The following RAPGEF5 variants were observed in gnomAD, a reference collection of about 807,000 sequenced individuals.
RAPGEF5 encodes M-Ras-regulated GEF.
RAPGEF5 carries 65 observed loss-of-function variants against 125.2 expected under a neutral mutation model. The ratio of observed to expected loss-of-function variants is 0.52; its 90% CI spans 0.43 to 0.64. The LOEUF (loss-of-function observed/expected upper bound fraction) is 0.64. Among genes scored for constraint, RAPGEF5 ranks in the 30% least tolerant of loss-of-function variants. RAPGEF5 has a pLI of 0.00. For synonymous variants in RAPGEF5, 391 were observed against 385.9 expected (o/e 1.01, Z -0.16); for missense variants, 958 against 1,048.1 (o/e 0.91, Z 1.19).
At chr7:22,322,245 C>G (rs1036440533) in intron 1 of RAPGEF5, among the ~76,000 whole-genome samples, 5 of 151,910 alleles carry the variant, frequency 3.3e-5, no homozygotes, top group African/African-American at 9.7e-5. Context: ...AATTCATCCT[C>G]CCACCTCAGC....
At chr7:22,132,507 A>G (rs1026380728) in intron 23 of RAPGEF5, among the ~76,000 whole-genome samples, 1 of 152,174 alleles carries the variant, frequency 6.6e-6, no homozygotes, top group African/African-American at 2.4e-5. Context: ...AAATAATTAC[A>G]AGCTTTCATT....
intron 7 of RAPGEF5, among the ~76,000 whole-genome samples, chr7:22,244,604 T>C (rs1786428926): frequency 6.6e-6 from 1 of 152,180 alleles, no homozygotes; most frequent in South Asian, 2.1e-4. Context: ...CCACTGATTC[T>C]ACATTATGGT....
chr7:22,154,376 T>C lies in RAPGEF5; in HGVS notation c.1786+79A>G, dbSNP rs1019369538. On this transcript the variant is annotated intron_variant, in intron 17 of 25. Transcript: ENST00000665637. ...GCCCAGAAGGGAGGAGCTGCACTTTTACTCTACAAAAATGTCACCTCCCTC... is the reference window on the plus strand; with the variant it reads ...GCCCAGAAGGGAGGAGCTGCACTTTCACTCTACAAAAATGTCACCTCCCTC... 2.6e-6 allele frequency: 4 copies of C among 1,513,248 alleles called. No homozygotes were observed. The South Asian group carries it at 3.8e-5, about 14-fold the overall frequency. The allele number at this position is 1,513,248 out of a possible 1,614,324, so 93.7% of individuals were successfully genotyped here.
intron 1 of RAPGEF5, among the ~76,000 whole-genome samples, chr7:22,342,198 T>A (rs1784143302): frequency 6.6e-6 from 1 of 152,228 alleles, no homozygotes; most frequent in South Asian, 2.1e-4. Context: ...TTCCACCCTC[T>A]GAAGCCAAAG....
intron 7 of RAPGEF5, among the ~76,000 whole-genome samples, chr7:22,248,834 A>G (rs1583516052): frequency 2.0e-5 from 3 of 152,292 alleles, no homozygotes; most frequent in South Asian, 4.1e-4. Context: ...AGAACCTATA[A>G]AAGTAAGATG....
chr7:22,170,091 G>C (rs6949403), intron 11 of RAPGEF5, among the ~76,000 whole-genome samples: 3,848 of 151,400 alleles, frequency 0.025, 147 homozygotes, highest in African/African-American at 0.088. Flanking sequence ...TAGTTTTTTT[G>C]TTTGTTTGTT....
chr7:22,235,498 C>T (rs918634149), intron 7 of RAPGEF5, among the ~76,000 whole-genome samples: 2 of 152,064 alleles, frequency 1.3e-5, no homozygotes, highest in African/African-American at 2.4e-5. Context: ...TGAAATAGAA[C>T]AGAATATCAT....
At chr7:22,142,667 C>T (rs191650303) in intron 20 of RAPGEF5, among the ~76,000 whole-genome samples, 8 of 152,336 alleles carry the variant, frequency 5.3e-5, no homozygotes, top group Non-Finnish European at 1.0e-4. Context: ...TAACGAGGGT[C>T]ATTCATTCCA....
chr7:22,318,138 G>GAA (rs34008002), intron 1 of RAPGEF5, 101 bp from the exon 2 acceptor site: 3,463 of 698,036 alleles, frequency 5.0e-3, no homozygotes, highest in South Asian at 0.012. Flanking sequence ...CCTCTGCTAT[G>GAA]AAAAAAAAAA....
chr7:22,327,060 C>T (rs2128156925), intron 1 of RAPGEF5, among the ~76,000 whole-genome samples: 1 of 152,330 alleles, frequency 6.6e-6, no homozygotes, highest in East Asian at 1.9e-4. Context: ...GTTTCACTAA[C>T]TCCTTTTAAA....
intron 8 of RAPGEF5, among the ~76,000 whole-genome samples, chr7:22,227,708 G>A (rs1050187580): frequency 2.0e-5 from 3 of 152,080 alleles, no homozygotes; most frequent in South Asian, 2.1e-4. Context: ...TGGATATGGT[G>A]GTGTGCACCT....
chr7:22,205,531 G>C (rs1294550615), intron 9 of RAPGEF5, among the ~76,000 whole-genome samples: 1 of 152,126 alleles, frequency 6.6e-6, no homozygotes. Context: ...ATAAAATATA[G>C]GCATGCTCTC....
At chr7:22,189,591 G>C (rs1366253321) in intron 11 of RAPGEF5, among the ~76,000 whole-genome samples, 1 of 151,776 alleles carries the variant, frequency 6.6e-6, no homozygotes, top group African/African-American at 2.4e-5. Context: ...CCAATTTCTG[G>C]GAAAAGATAA....
chr7:22,166,089 A>C (rs939598147), intron 12 of RAPGEF5, among the ~76,000 whole-genome samples: 1 of 147,110 alleles, frequency 6.8e-6, no homozygotes. Flanking sequence ...TATCATATAT[A>C]TATATATCAT....
intron 1 of RAPGEF5, among the ~76,000 whole-genome samples, chr7:22,327,562 CCGGGAGG>C (rs1290094517): frequency 6.6e-6 from 1 of 152,212 alleles, no homozygotes; most frequent in African/African-American, 2.4e-5. Flanking sequence ...TCCTCTCCTC[CCGGGAGG>C]CAGCCTTGCA....
At chr7:22,275,168 G>A (rs911235295) in intron 6 of RAPGEF5, among the ~76,000 whole-genome samples, 1 of 152,072 alleles carries the variant, frequency 6.6e-6, no homozygotes, top group Admixed American at 6.5e-5. Flanking sequence ...TCTCCTGAGC[G>A]CCACTCACCT....
chr7:22,209,447 T>C (rs892740628), intron 9 of RAPGEF5, among the ~76,000 whole-genome samples: 8 of 152,200 alleles, frequency 5.3e-5, no homozygotes, highest in Admixed American at 1.3e-4. Context: ...TACTTACATA[T>C]CTTCTAAAAT....
Position 22,118,482 on chromosome 7 carries a change from A to ATG in RAPGEF5, c.*3923_*3924insCA, listed in dbSNP as rs1782469761. On this transcript the variant is annotated 3_prime_UTR_variant, in exon 26 of 26. Coordinates refer to ENST00000665637, the MANE Select transcript of RAPGEF5 (RefSeq NM_012294.5). ...CAGCACAGTCATATACATATATATT[A>ATG]TATATATACACAGAGGCAGAAAGCA... 1 of 152,564 alleles carries ATG rather than the reference A, an allele frequency of 6.6e-6. No homozygotes were observed. The highest frequency in any genetic ancestry group is 1.5e-5 in the Non-Finnish European group (1 of 68,010). The allele number at this position is 152,564 out of a possible 1,614,324, so 9.5% of individuals were successfully genotyped here.
chr7:22,252,048 G>A (rs576543758), intron 7 of RAPGEF5, among the ~76,000 whole-genome samples: 1 of 152,220 alleles, frequency 6.6e-6, no homozygotes, highest in South Asian at 2.1e-4. Context: ...CTGCAATGCT[G>A]GAAGCTGCTT....
Sources: allele counts gnomAD v4.1 joint callset (sites outside exome capture counted in the v4.1 genomes callset), GRCh38; gene constraint gnomAD v4.1.1; transcripts MANE v1.5; gene names NCBI Gene and HGNC (gene_info 2026-07-23, HGNC 2026-07-21).